The following IQCH variants were observed in gnomAD, a reference collection of about 807,000 sequenced individuals.
The protein encoded by IQCH is IQ domain-containing protein H.
In IQCH, 98 loss-of-function variants were observed where a neutral mutation model predicts 117.0. That is an observed-to-expected ratio of 0.84 (90% confidence interval 0.71 to 0.99). The LOEUF (loss-of-function observed/expected upper bound fraction) is 0.99. IQCH is among the 50% of genes least tolerant of loss of function. The pLI is 0.00. For missense variants in IQCH, 1,102 were observed against 1,243.8 expected (o/e 0.89, Z 1.72); for synonymous variants, 412 against 448.2 (o/e 0.92, Z 1.02).
At chr15:67,373,194 C>T (rs934454235) in intron 9 of IQCH, among the ~76,000 whole-genome samples, 173 bp from the exon 10 acceptor site, 2 of 152,164 alleles carry the variant, frequency 1.3e-5, no homozygotes, top group African/African-American at 4.8e-5. Flanking sequence ...CTGCCAGTAG[C>T]ATCATGTAGC....
intron 16 of IQCH, among the ~76,000 whole-genome samples, chr15:67,421,953 G>A (rs930352680): frequency 6.6e-6 from 1 of 152,140 alleles, no homozygotes; most frequent in Non-Finnish European, 1.5e-5. Flanking sequence ...ACAAAAATTA[G>A]CTGGGCCTGG....
intron 4 of IQCH, among the ~76,000 whole-genome samples, chr15:67,297,450 A>G (rs1966859842): frequency 6.6e-6 from 1 of 152,146 alleles, no homozygotes; most frequent in African/African-American, 2.4e-5. Context: ...AAGATTTTTT[A>G]AAATAACCAT....
intron 3 of IQCH, among the ~76,000 whole-genome samples, chr15:67,270,004 A>G (rs1319234610): frequency 2.0e-5 from 3 of 152,162 alleles, no homozygotes; most frequent in African/African-American, 7.2e-5. Context: ...TATACCCAGT[A>G]GTGGGATGGC....
chr15:67,263,174 C>G lies in IQCH; in HGVS notation c.227C>G (p.Ser76Cys), dbSNP rs1346737091. The change falls in exon 3 of 21, where the codon TCT (serine) becomes TGT (cysteine). Residue 76 changes from serine (S) to cysteine (C), a missense_variant. This residue lies in a region of IQCH where 452 missense variants were observed against 449.6 expected (regional missense o/e 1.01). Transcript: ENST00000335894. The stretch of plus-strand genomic sequence containing the variant: ...GTAAACCAGAATGTATTAACGACTT[C>G]TGTTAATGATGAGAGCTTATATACT... ...NVVNQNVLTT[S>C]VNDESLYTPQ... The G allele has an allele frequency of 1.3e-6, 2 of 1,581,724 alleles. No individual in the cohort carries two copies. Among genetic ancestry groups the G allele is most frequent in the South Asian group, 2.2e-5 (2 of 90,332 alleles).
chr15:67,271,299 A>C (rs558631432), intron 3 of IQCH, among the ~76,000 whole-genome samples: 1 of 152,222 alleles, frequency 6.6e-6, no homozygotes, highest in South Asian at 2.1e-4. Flanking sequence ...TGTATTGTTG[A>C]ATTTGGTTTG....
intron 10 of IQCH, among the ~76,000 whole-genome samples, chr15:67,375,775 G>A (rs1402567275): frequency 7.6e-6 from 1 of 131,714 alleles, no homozygotes; most frequent in Non-Finnish European, 1.6e-5. Flanking sequence ...TACAATCTTT[G>A]TTTTGGATTT....
rs1422613275 is a variant in IQCH, at chr15:67,356,554, T to G, written c.638-791T>G. Among the ~76,000 whole-genome samples the G allele has an allele frequency of 1.3e-5, 2 of 152,234 alleles. No homozygotes were observed. The highest frequency in any genetic ancestry group is 4.8e-5 in the African/African-American group (2 of 41,450). On this transcript the variant is annotated intron_variant, in intron 6 of 20. Transcript: ENST00000335894. This position sits in a 1 kb window ranked among gnomAD's most constrained non-coding sequence, Gnocchi z 5.3. ...ATCTGTCAATTCCTTCTAAGATTGT[T>G]GTTATAGAAAACTAACAGAAAAGGG...
At chr15:67,300,535 T>G (rs1966974510) in intron 4 of IQCH, among the ~76,000 whole-genome samples, 1 of 152,184 alleles carries the variant, frequency 6.6e-6, no homozygotes, top group African/African-American at 2.4e-5. Context: ...TTCTCTGCAT[T>G]TGAGACTAAA....
At chr15:67,442,871 T>G (rs1263117843) in intron 16 of IQCH, among the ~76,000 whole-genome samples, 2 of 98,534 alleles carry the variant, frequency 2.0e-5, no homozygotes, top group African/African-American at 4.1e-5. Context: ...TAGATATACA[T>G]ATATATATAT....
intron 6 of IQCH, among the ~76,000 whole-genome samples, chr15:67,346,315 C>T (rs566532597): frequency 6.6e-6 from 1 of 151,904 alleles, no homozygotes; most frequent in Non-Finnish European, 1.5e-5. Context: ...CTAGTAACCC[C>T]CCCCCAAAAA....
chr15:67,358,020 G>C (rs1207496943), intron 7 of IQCH, among the ~76,000 whole-genome samples: 1 of 151,292 alleles, frequency 6.6e-6, no homozygotes, highest in Non-Finnish European at 1.5e-5. Flanking sequence ...CACCATGCCC[G>C]GCTAATTTTT....
chr15:67,392,355 G>A (rs1213227025), intron 12 of IQCH, among the ~76,000 whole-genome samples: 1 of 152,140 alleles, frequency 6.6e-6, no homozygotes, highest in African/African-American at 2.4e-5. Flanking sequence ...AAAAAGAAAA[G>A]AGTGAAACAA....
intron 4 of IQCH, among the ~76,000 whole-genome samples, chr15:67,321,324 A>T (rs541356979): frequency 6.6e-6 from 1 of 152,102 alleles, no homozygotes; most frequent in Non-Finnish European, 1.5e-5. Flanking sequence ...GTCTGTGTTC[A>T]CAATCCCCCT....
Position 67,421,552 on chromosome 15 carries a change from T to C in IQCH, c.2480T>C (p.Ile827Thr). 4.3e-6 allele frequency: 7 copies of C among 1,614,208 alleles called. No homozygotes were observed. The highest frequency in any genetic ancestry group is 1.1e-5 in the South Asian group (1 of 91,088). Residue 827 changes from isoleucine to threonine, a missense_variant, in exon 16 of 21, where the codon ATA (isoleucine) becomes ACA (threonine). Coordinates refer to ENST00000335894, the MANE Select transcript of IQCH (RefSeq NM_001031715.3). ...GYFSIDLVTFIDPSTLEQQVW... is the reference protein window; with the variant it reads ...GYFSIDLVTFTDPSTLEQQVW... The stretch of plus-strand genomic sequence containing the variant: ...TTTTCGATAGATCTGGTGACTTTTA[T>C]AGATCCAAGCACCTTGGAACAACAG...
chr15:67,269,022 TAA>T (rs34421114), intron 3 of IQCH, among the ~76,000 whole-genome samples: 1 of 138,660 alleles, frequency 7.2e-6, no homozygotes. Flanking sequence ...GTACACTTGC[TAA>T]AAAAAAAAAA....
intron 4 of IQCH, among the ~76,000 whole-genome samples, chr15:67,308,028 T>C (rs1258784434): frequency 1.3e-5 from 2 of 152,144 alleles, no homozygotes; most frequent in Non-Finnish European, 1.5e-5. Flanking sequence ...CAAAACTCAG[T>C]GCCTGATTGT....
At chr15:67,263,237 G>A (rs754878253) in intron 3 of IQCH, 21 bp downstream of exon 3, 14 of 1,159,968 alleles carry the variant, frequency 1.2e-5, no homozygotes, top group Non-Finnish European at 1.7e-5. Flanking sequence ...TAGCCATTTA[G>A]AGCCCAAAGT....
chr15:67,497,161 C>T (rs984852108), intron 20 of IQCH, among the ~76,000 whole-genome samples: 2 of 151,376 alleles, frequency 1.3e-5, no homozygotes, highest in East Asian at 3.9e-4. Flanking sequence ...CATAGGCAGA[C>T]CCTATCTAAA....
intron 6 of IQCH, among the ~76,000 whole-genome samples, chr15:67,348,585 A>C (rs1432883574): frequency 6.6e-6 from 1 of 152,248 alleles, no homozygotes; most frequent in Non-Finnish European, 1.5e-5. Flanking sequence ...TGGATGCTGG[A>C]TGCTATAAAA....
Sources: allele counts gnomAD v4.1 joint callset (sites outside exome capture counted in the v4.1 genomes callset), GRCh38; gene constraint gnomAD v4.1.1; regional missense constraint gnomAD v4.1.1; non-coding constraint Gnocchi (gnomAD v3.1); transcripts MANE v1.5; gene names NCBI Gene and HGNC (gene_info 2026-07-23, HGNC 2026-07-21).